The following KDM4C variants were observed in gnomAD, a reference collection of about 807,000 sequenced individuals.
KDM4C encodes the protein lysine-specific demethylase 4C.
A neutral mutation model predicts 129.3 loss-of-function variants in KDM4C; 81 were observed. The ratio of observed to expected loss-of-function variants is 0.63; its 90% CI spans 0.52 to 0.75. The LOEUF (loss-of-function observed/expected upper bound fraction) is 0.75. Among genes scored for constraint, KDM4C ranks in the 30% least tolerant of loss-of-function variants. The pLI is 0.00. For synonymous variants in KDM4C, 573 were observed against 456.1 expected (o/e 1.26, Z -3.26); for missense variants, 1,457 against 1,304.0 (o/e 1.12, Z -1.81).
chr9:6,942,282 A>AGTGTGT (rs58676459), intron 8 of KDM4C, among the ~76,000 whole-genome samples: 34,555 of 142,406 alleles, frequency 0.24, 4,751 homozygotes, highest in East Asian at 0.44. Flanking sequence ...TAGCCCTCAA[A>AGTGTGT]GTGTGTGTGT....
At chr9:6,823,333 C>T (rs1441879462) in intron 4 of KDM4C, among the ~76,000 whole-genome samples, 1 of 152,192 alleles carries the variant, frequency 6.6e-6, no homozygotes, top group African/African-American at 2.4e-5. Context: ...AGCTTATCCT[C>T]ACTGTCAGAG....
chr9:6,810,997 C>T (rs1006159180), intron 3 of KDM4C, among the ~76,000 whole-genome samples: 1 of 152,160 alleles, frequency 6.6e-6, no homozygotes, highest in East Asian at 1.9e-4. Flanking sequence ...CTGCCAGTTT[C>T]ATGTAGAAAT....
chr9:6,856,844 G>A (rs541136857), intron 5 of KDM4C, among the ~76,000 whole-genome samples: 1 of 144,212 alleles, frequency 6.9e-6, no homozygotes, highest in East Asian at 2.1e-4. Flanking sequence ...TGCAAGCTCC[G>A]CTTCCCGGGT....
At chr9:6,724,318 C>G (rs1466941431) in intron 1 of KDM4C, among the ~76,000 whole-genome samples, 1 of 152,136 alleles carries the variant, frequency 6.6e-6, no homozygotes, top group Non-Finnish European at 1.5e-5. Flanking sequence ...TCCATTTAAG[C>G]AGCAATTGTT....
chr9:7,101,627 T>C (rs1334970125), intron 17 of KDM4C, among the ~76,000 whole-genome samples: 1 of 152,212 alleles, frequency 6.6e-6, no homozygotes, highest in Non-Finnish European at 1.5e-5. Flanking sequence ...CCTCCTTAGG[T>C]TCCAAAGATT....
chr9:7,073,784 A>G (rs753379118), intron 17 of KDM4C, among the ~76,000 whole-genome samples: 9 of 152,146 alleles, frequency 5.9e-5, no homozygotes, highest in Non-Finnish European at 8.8e-5. Context: ...GGGCCCATCA[A>G]ATTGTAGTTC....
intron 8 of KDM4C, chr9:6,925,053 C>T (rs1333050393): frequency 3.0e-6 from 3 of 985,182 alleles, no homozygotes; most frequent in South Asian, 4.7e-5. Flanking sequence ...TAAGAATGAA[C>T]ATTCAACGAA....
At chr9:6,741,196 G>A (rs1264813945) in intron 1 of KDM4C, among the ~76,000 whole-genome samples, 1 of 151,746 alleles carries the variant, frequency 6.6e-6, no homozygotes, top group Non-Finnish European at 1.5e-5. Flanking sequence ...AGGAGAATGG[G>A]AGCATCCTGG....
At chr9:6,949,997 C>T (rs1217367558) in intron 8 of KDM4C, among the ~76,000 whole-genome samples, 3 of 147,154 alleles carry the variant, frequency 2.0e-5, no homozygotes, top group African/African-American at 7.5e-5. Flanking sequence ...AGTCACATTT[C>T]TTCATAGTTA....
chr9:6,957,923 C>T (rs1829358669), intron 8 of KDM4C, among the ~76,000 whole-genome samples: 1 of 152,034 alleles, frequency 6.6e-6, no homozygotes, highest in South Asian at 2.1e-4. Context: ...TAATAATAAA[C>T]AGTGTTATCG....
chr9:6,721,198 C>T, intron 1 of KDM4C: 1 of 417,484 alleles, frequency 2.4e-6, no homozygotes, highest in East Asian at 3.7e-5. Flanking sequence ...CCCAGTCTTC[C>T]CAGTAGCTGG....
chr9:7,059,978 TAA>T (rs1284948601), intron 17 of KDM4C, among the ~76,000 whole-genome samples: 1 of 152,126 alleles, frequency 6.6e-6, no homozygotes, highest in African/African-American at 2.4e-5. Context: ...TTTAAGAGTA[TAA>T]AAGAGTCCGG....
At chr9:7,086,541 C>T (rs959835102) in intron 17 of KDM4C, among the ~76,000 whole-genome samples, 1 of 152,178 alleles carries the variant, frequency 6.6e-6, no homozygotes, top group South Asian at 2.1e-4. Context: ...CAGTTCCAGT[C>T]CATCTGCTCC....
intron 9 of KDM4C, among the ~76,000 whole-genome samples, chr9:6,982,960 A>G (rs774453249): frequency 6.6e-6 from 1 of 152,240 alleles, no homozygotes. Context: ...CCCTTTGGAA[A>G]TAGCCCATTT....
intron 17 of KDM4C, among the ~76,000 whole-genome samples, chr9:7,095,025 G>A (rs532675336): frequency 5.3e-5 from 8 of 152,272 alleles, no homozygotes; most frequent in African/African-American, 1.2e-4. Flanking sequence ...TTATTGTTCC[G>A]TTTCCCAACC....
intron 17 of KDM4C, among the ~76,000 whole-genome samples, chr9:7,087,476 A>G (rs1300826322): frequency 6.6e-6 from 1 of 152,168 alleles, no homozygotes; most frequent in Non-Finnish European, 1.5e-5. Context: ...TAAACTGAAA[A>G]TAAGTATAAT....
chr9:6,799,940 T>A (rs946909817), intron 2 of KDM4C, among the ~76,000 whole-genome samples: 1 of 152,050 alleles, frequency 6.6e-6, no homozygotes, highest in African/African-American at 2.4e-5. Context: ...ATATTGAGTG[T>A]GGCTGGGCAT....
intron 13 of KDM4C, among the ~76,000 whole-genome samples, chr9:7,012,487 T>A (rs1031823052): frequency 2.6e-5 from 4 of 152,212 alleles, no homozygotes; most frequent in Non-Finnish European, 5.9e-5. Flanking sequence ...TTTTTTTTGT[T>A]TGAAAACGTC....
Position 7,174,822 on chromosome 9 carries a change from C to A in KDM4C, c.*93C>A. 2 of 1,099,554 alleles carry A rather than the reference C, an allele frequency of 1.8e-6. No individual in the cohort carries two copies. The highest frequency in any genetic ancestry group is 1.5e-5 in the South Asian group (1 of 67,202). The allele number at this position is 1,099,554 out of a possible 1,614,324, so 68.1% of individuals were successfully genotyped here. On this transcript the variant is annotated 3_prime_UTR_variant, in exon 22 of 22. Transcript: ENST00000381309. ...GGGGCTGTGCCGTGAGTTTTGCTGG[C>A]ATAGGTGACAGGGTGTGTCTCTGAC...
Sources: allele counts gnomAD v4.1 joint callset (sites outside exome capture counted in the v4.1 genomes callset), GRCh38; gene constraint gnomAD v4.1.1; transcripts MANE v1.5; gene names NCBI Gene and HGNC (gene_info 2026-07-23, HGNC 2026-07-21).